The following CSTF2 variants were observed in gnomAD, a reference collection of about 807,000 sequenced individuals.
CSTF2 encodes CF-1 64 kDa subunit.
CSTF2 carries 8 observed loss-of-function variants against 45.4 expected under a neutral mutation model. The observed-to-expected ratio is 0.18, with a 90% CI of 0.10 to 0.32. The LOEUF (loss-of-function observed/expected upper bound fraction) is 0.32, where lower values mean the gene tolerates loss of function less well. CSTF2 is among the 10% of genes least tolerant of loss of function. CSTF2 has a pLI of 1.00. For synonymous variants in CSTF2, 155 were observed against 158.9 expected (o/e 0.98, Z 0.18); for missense variants, 253 against 477.1 (o/e 0.53, Z 4.38).
chrX:100,835,276 TA>T (rs59862712), intron 11 of CSTF2, among the ~76,000 whole-genome samples: 46 of 88,679 alleles, frequency 5.2e-4, no homozygotes, highest in Admixed American at 7.8e-4. Flanking sequence ...CTCCCATCTT[TA>T]AAAAAAAAAA....
chrX:100,821,953 C>G (rs778550888), intron 2 of CSTF2, among the ~76,000 whole-genome samples: 43 of 110,044 alleles, frequency 3.9e-4, no homozygotes, highest in African/African-American at 1.4e-3. Flanking sequence ...AATTAGCCGC[C>G]GTGGTGGCCC....
In CSTF2 at chrX:100,830,557, C is replaced by T. The variant is rs141812073; in HGVS notation, c.890-958C>T. Among the ~76,000 whole-genome samples the T allele has an allele frequency of 4.8e-3, 531 of 111,530 alleles. 3 individuals are homozygous for T. The highest frequency in any genetic ancestry group is 0.016 in the African/African-American group (503 of 30,680). On this transcript the variant is annotated intron_variant, in intron 8 of 13. Coordinates refer to ENST00000372972, the MANE Select transcript of CSTF2 (RefSeq NM_001325.3). ...AAAATCGAAAATGTCAGGTTATTCC[C>T]ACCTAGATCAAACCAGTGCCCCCAT...
intron 2 of CSTF2, among the ~76,000 whole-genome samples, 156 bp from the exon 3 acceptor site, chrX:100,822,095 G>GAAA (rs58313206): frequency 3.3e-5 from 3 of 91,348 alleles, no homozygotes; most frequent in African/African-American, 7.8e-5. Context: ...TCCATCTCAG[G>GAAA]AAAAAAAAAA....
chrX:100,832,695 T>A (rs780965276), intron 9 of CSTF2, 39 bp from the exon 10 acceptor site: 1 of 1,148,145 alleles, frequency 8.7e-7, no homozygotes, highest in Non-Finnish European at 1.2e-6. Context: ...GTTGTTGTTT[T>A]GTTCTATTTT....
chrX:100,835,512 A>G (rs2085002953), intron 11 of CSTF2, among the ~76,000 whole-genome samples: 1 of 105,730 alleles, frequency 9.5e-6, no homozygotes, highest in African/African-American at 3.4e-5. Flanking sequence ...GAAAACATGA[A>G]TATATATTAT....
At chrX:100,825,143 A>G (rs2084937588) in intron 6 of CSTF2, among the ~76,000 whole-genome samples, 1 of 112,395 alleles carries the variant, frequency 8.9e-6, no homozygotes, top group Non-Finnish European at 1.9e-5. Flanking sequence ...AATGATTCAT[A>G]TAAAATTTTG....
chrX:100,840,245 G>A lies in CSTF2; in HGVS notation c.*4-469G>A, dbSNP rs753119361. Among the ~76,000 whole-genome samples, 11 of 112,189 alleles carry A rather than the reference G, an allele frequency of 9.8e-5. 2 individuals are homozygous for A. The South Asian group carries it at 3.4e-3, about 34-fold the overall frequency. On this transcript the variant is annotated intron_variant, in intron 13 of 13. Coordinates refer to ENST00000372972, the MANE Select transcript of CSTF2 (RefSeq NM_001325.3). ...TTTTCCTCCATCCTATACCTAGCTA[G>A]TTGTGATCCATCTCTGCCATCATGG...
intron 8 of CSTF2, chrX:100,830,684 T>C: frequency 1.9e-6 from 1 of 518,747 alleles, no homozygotes; most frequent in Middle Eastern, 3.4e-4. Flanking sequence ...AGCAAGCCGA[T>C]GAACTCTTGG....
intron 8 of CSTF2, 38 bp from the exon 9 acceptor site, chrX:100,831,477 C>G (rs1393880096): frequency 1.7e-6 from 2 of 1,208,077 alleles, no homozygotes; most frequent in Non-Finnish European, 2.2e-6. Context: ...GCTTATGTGT[C>G]TTTCACAGCA....
At chrX:100,833,888 A>G (rs149493821) in intron 11 of CSTF2, among the ~76,000 whole-genome samples, 1,632 of 112,027 alleles carry the variant, frequency 0.015, 31 homozygotes, top group African/African-American at 0.05. Context: ...AATGATTCTA[A>G]TGTGAACCCT....
intron 11 of CSTF2, 78 bp downstream of exon 11, chrX:100,833,550 C>A: frequency 1.0e-6 from 1 of 978,314 alleles, no homozygotes; most frequent in Admixed American, 2.9e-5. Flanking sequence ...CTAATTATTA[C>A]TGCCTTCTGA....
intron 3 of CSTF2, 69 bp from the exon 4 acceptor site, chrX:100,823,223 G>T: frequency 8.8e-7 from 1 of 1,134,461 alleles, no homozygotes; most frequent in East Asian, 3.0e-5. Flanking sequence ...GCCCTGAAAA[G>T]TAGATATTTG....
At chrX:100,827,681 G>T (rs2084952466) in intron 7 of CSTF2, among the ~76,000 whole-genome samples, 1 of 111,990 alleles carries the variant, frequency 8.9e-6, no homozygotes, top group Non-Finnish European at 1.9e-5. Context: ...GGATTGTTAT[G>T]TATCTACTTT....
chrX:100,838,155 G>C, intron 12 of CSTF2, 84 bp from the exon 13 acceptor site: 1 of 960,006 alleles, frequency 1.0e-6, no homozygotes, highest in Non-Finnish European at 1.4e-6. Context: ...TTGGACAGAA[G>C]CTGGTGGTGG....
In CSTF2 at chrX:100,835,134, C is replaced by T. The variant is rs757603201; in HGVS notation, c.1500+1662C>T. On this transcript the variant is annotated intron_variant, in intron 11 of 13. Coordinates refer to ENST00000372972, the MANE Select transcript of CSTF2 (RefSeq NM_001325.3). ...AAGAACTTCAAGCCAGGCATGGTGA[C>T]ATGCACCTGTAGTGCCAGCACTCTG... 3.6e-5 allele frequency among the ~76,000 whole-genome samples: 4 copies of T among 111,024 alleles called. No individual in the cohort carries two copies. In the South Asian group the frequency reaches 1.5e-3, roughly 43 times the overall value.
chrX:100,838,393 G>C, intron 13 of CSTF2, 29 bp downstream of exon 13: 2 of 1,164,975 alleles, frequency 1.7e-6, no homozygotes, highest in Non-Finnish European at 2.3e-6. Context: ...CATCTGAGTA[G>C]GACTAGCTCC....
intron 9 of CSTF2, 138 bp from the exon 10 acceptor site, chrX:100,832,596 C>T (rs1177224064): frequency 2.0e-6 from 1 of 506,571 alleles, no homozygotes; most frequent in Non-Finnish European, 3.1e-6. Flanking sequence ...AGCTTTTCTT[C>T]CATCTATTTG....
chrX:100,832,544 C>T (rs965981679), intron 9 of CSTF2, among the ~76,000 whole-genome samples, 190 bp from the exon 10 acceptor site: 2 of 112,127 alleles, frequency 1.8e-5, no homozygotes, highest in African/African-American at 6.5e-5. Context: ...TAATTATGAA[C>T]CAAATAACGA....
intron 13 of CSTF2, among the ~76,000 whole-genome samples, chrX:100,839,210 C>G (rs1396812748): frequency 1.9e-5 from 2 of 103,880 alleles, no homozygotes; most frequent in African/African-American, 7.1e-5. Context: ...GATTATGCCA[C>G]TGCACTCTAG....
Sources: allele counts gnomAD v4.1 joint callset (sites outside exome capture counted in the v4.1 genomes callset), GRCh38; gene constraint gnomAD v4.1.1; transcripts MANE v1.5; gene names NCBI Gene and HGNC (gene_info 2026-07-23, HGNC 2026-07-21).